The following CPB2 variants were observed in gnomAD, a reference collection of about 807,000 sequenced individuals.
CPB2 encodes carboxypeptidase B-like protein.
In CPB2, 54 loss-of-function variants were observed where a neutral mutation model predicts 57.0. The observed-to-expected ratio is 0.95, with a 90% CI of 0.76 to 1.19. CPB2 has a LOEUF of 1.19. CPB2 is among the 50% of genes most tolerant of loss of function. The pLI, the probability that CPB2 is intolerant of heterozygous loss-of-function variation, is 0.00. For missense variants in CPB2, 426 were observed against 512.0 expected (o/e 0.83, Z 1.62); for synonymous variants, 189 against 178.1 (o/e 1.06, Z -0.49).
chr13:46,091,602 T>C (rs2045293440), intron 1 of CPB2, among the ~76,000 whole-genome samples: 1 of 152,230 alleles, frequency 6.6e-6, no homozygotes, highest in African/African-American at 2.4e-5. Flanking sequence ...CATATGGGTT[T>C]TCTGGCTTAA....
In CPB2 at chr13:46,080,411, C is replaced by T. The variant is rs75252521; in HGVS notation, c.385-1510G>A. ...TGAACCTGTTAGAAAATAATAGGGG[C>T]GGGGGTGCAAAGAGAAGCACAAGAC... is the stretch of plus-strand genomic sequence containing the variant. On this transcript the variant is annotated intron_variant, in intron 4 of 10. Coordinates refer to ENST00000181383, the MANE Select transcript of CPB2 (RefSeq NM_001872.5). Among the ~76,000 whole-genome samples, 401 of 152,084 alleles carry T rather than the reference C, an allele frequency of 2.6e-3. 1 individual carries two copies. The highest frequency in any genetic ancestry group is 4.0e-3 in the Non-Finnish European group (273 of 67,972).
chr13:46,090,462 A>G (rs1432987530), intron 1 of CPB2, among the ~76,000 whole-genome samples: 1 of 150,542 alleles, frequency 6.6e-6, no homozygotes, highest in East Asian at 2.0e-4. Flanking sequence ...TCCCAGGTTC[A>G]AGCAATTCTC....
At chr13:46,073,550 T>G in intron 6 of CPB2, 1 of 676,910 alleles carries the variant, frequency 1.5e-6, no homozygotes, top group Non-Finnish European at 1.8e-6. Flanking sequence ...GGCCCCAACT[T>G]AGATAACTCC....
intron 1 of CPB2, chr13:46,100,734 TG>T (rs2045424108): frequency 6.6e-6 from 1 of 152,150 alleles, no homozygotes; most frequent in African/African-American, 2.4e-5. Flanking sequence ...AAACACTTAA[TG>T]TTAGATGCCA....
At chr13:46,084,400 C>T (rs2045168359) in intron 2 of CPB2, 57 bp from the exon 3 acceptor site, 4 of 1,590,556 alleles carry the variant, frequency 2.5e-6, no homozygotes, top group East Asian at 2.2e-5. Context: ...ACATCATTCT[C>T]ATCTGTAGCT....
At chr13:46,061,282 A>G (rs2044769277) in intron 8 of CPB2, among the ~76,000 whole-genome samples, 1 of 152,252 alleles carries the variant, frequency 6.6e-6, no homozygotes, top group Non-Finnish European at 1.5e-5. Context: ...GCCAGTTGCA[A>G]AAACTTTGTA....
At chr13:46,091,282 G>A (rs948311242) in intron 1 of CPB2, among the ~76,000 whole-genome samples, 6 of 152,074 alleles carry the variant, frequency 3.9e-5, no homozygotes, top group East Asian at 1.9e-4. Context: ...GGTTTTTGCC[G>A]TTACTTTTAA....
chr13:46,064,685 T>G lies in CPB2; in HGVS notation c.759A>C (p.Thr253=). ...SFYANNHCIG[T]DLNRNFASKH... The stretch of plus-strand genomic sequence containing the variant: ...TGGAAGCAAAGTTCCTATTCAGGTC[T>G]GTTCCGATGCAATGATTGTTCGCAT... The change falls in exon 8 of 11, where the codon ACA becomes ACC. Residue 253 remains threonine, a synonymous_variant. Transcript: ENST00000181383. 1 of 1,614,194 alleles carries G rather than the reference T, an allele frequency of 6.2e-7. No individual in the cohort carries two copies. Among genetic ancestry groups the G allele is most frequent in the Non-Finnish European group, 8.5e-7 (1 of 1,180,020 alleles).
At chr13:46,086,417 A>C (rs2045205477) in intron 2 of CPB2, among the ~76,000 whole-genome samples, 2 of 152,162 alleles carry the variant, frequency 1.3e-5, no homozygotes, top group Non-Finnish European at 1.5e-5. Flanking sequence ...TCCTCTCTGC[A>C]GCCAGGGTGT....
intron 1 of CPB2, chr13:46,099,596 T>C (rs1273918044): frequency 6.6e-6 from 1 of 152,226 alleles, no homozygotes; most frequent in Non-Finnish European, 1.5e-5. Context: ...AGTCTTGTGT[T>C]GACTAGAGCA....
At chr13:46,092,375 TG>T (rs1350001476) in intron 1 of CPB2, among the ~76,000 whole-genome samples, 1 of 152,204 alleles carries the variant, frequency 6.6e-6, no homozygotes, top group East Asian at 1.9e-4. Context: ...AATATAACAA[TG>T]TTGATTTCTC....
chr13:46,054,485 C>T (rs1015952107), intron 10 of CPB2, among the ~76,000 whole-genome samples: 1 of 152,090 alleles, frequency 6.6e-6, no homozygotes, highest in African/African-American at 2.4e-5. Flanking sequence ...TGGTGAAAGA[C>T]ATGTTAATAA....
chr13:46,088,309 C>T (rs937571328), intron 1 of CPB2, among the ~76,000 whole-genome samples: 5 of 152,116 alleles, frequency 3.3e-5, no homozygotes, highest in African/African-American at 1.2e-4. Flanking sequence ...TTTGCTCATT[C>T]CCTTGTTTTT....
chr13:46,083,558 A>AG (rs1297353361), intron 3 of CPB2, among the ~76,000 whole-genome samples: 1 of 152,162 alleles, frequency 6.6e-6, no homozygotes, highest in African/African-American at 2.4e-5. Flanking sequence ...GTGGATATGG[A>AG]GGGGAGATAT....
intron 1 of CPB2, among the ~76,000 whole-genome samples, chr13:46,089,079 C>A (rs1199264033): frequency 1.3e-5 from 2 of 150,438 alleles, no homozygotes; most frequent in Non-Finnish European, 3.0e-5. Flanking sequence ...CTTCTTCTGT[C>A]CTTCTTATTT....
intron 1 of CPB2, among the ~76,000 whole-genome samples, chr13:46,088,923 T>C (rs987151038): frequency 1.3e-5 from 2 of 151,946 alleles, no homozygotes; most frequent in Non-Finnish European, 2.9e-5. Flanking sequence ...GTCAGTTATA[T>C]GTATTGCAAA....
At chr13:46,079,708 G>A (rs944729173) in intron 4 of CPB2, among the ~76,000 whole-genome samples, 21 of 152,252 alleles carry the variant, frequency 1.4e-4, no homozygotes, top group Admixed American at 6.5e-4. Flanking sequence ...AAACTCTGAT[G>A]CCTTCTGAAA....
chr13:46,087,891 G>A (rs187137385), intron 1 of CPB2, 71 bp from the exon 2 acceptor site: 11 of 1,017,018 alleles, frequency 1.1e-5, no homozygotes, highest in Admixed American at 2.2e-5. Flanking sequence ...ATACTGTGAG[G>A]AGCTTTTAGG....
intron 6 of CPB2, chr13:46,073,489 G>A: frequency 1.0e-6 from 1 of 983,228 alleles, no homozygotes; most frequent in Non-Finnish European, 1.2e-6. Context: ...AAGGGCAAAG[G>A]TGGCAAAAGA....
Sources: allele counts gnomAD v4.1 joint callset (sites outside exome capture counted in the v4.1 genomes callset), GRCh38; gene constraint gnomAD v4.1.1; transcripts MANE v1.5; gene names NCBI Gene and HGNC (gene_info 2026-07-23, HGNC 2026-07-21).